The following NCAPG2 variants were observed in gnomAD, a reference collection of about 807,000 sequenced individuals.
NCAPG2 encodes condensin-2 complex subunit G2.
A neutral mutation model predicts 141.1 loss-of-function variants in NCAPG2; 53 were observed. The ratio of observed to expected loss-of-function variants is 0.38; its 90% CI spans 0.30 to 0.47. The LOEUF (loss-of-function observed/expected upper bound fraction) is 0.47. Ranked by LOEUF, NCAPG2 falls within the 20% of genes least tolerant of loss-of-function variation. NCAPG2 has a pLI of 0.99. For synonymous variants in NCAPG2, 499 were observed against 490.7 expected (o/e 1.02, Z -0.22); for missense variants, 1,087 against 1,389.0 (o/e 0.78, Z 3.46).
chr7:158,641,275 A>T, intron 27 of NCAPG2: 1 of 385,324 alleles, frequency 2.6e-6, no homozygotes, highest in Non-Finnish European at 4.6e-6. Context: ...AATATGGTGG[A>T]TATTAATCCA....
At chr7:158,684,279 A>G (rs1432260059) in intron 8 of NCAPG2, among the ~76,000 whole-genome samples, 1 of 152,248 alleles carries the variant, frequency 6.6e-6, no homozygotes, top group South Asian at 2.1e-4. Flanking sequence ...GCTAACTATC[A>G]GTATGCCAAC....
At chr7:158,678,299 C>T (rs1412098125) in intron 11 of NCAPG2, among the ~76,000 whole-genome samples, 1 of 152,134 alleles carries the variant, frequency 6.6e-6, no homozygotes, top group African/African-American at 2.4e-5. Flanking sequence ...GTTAAAGCCT[C>T]AAGAGGTGCA....
chr7:158,635,276 GTTAAAA>G (rs1830110515), intron 27 of NCAPG2, among the ~76,000 whole-genome samples: 1 of 151,990 alleles, frequency 6.6e-6, no homozygotes. Flanking sequence ...AAAAAAGACT[GTTAAAA>G]TTAAAGCAGA....
intron 12 of NCAPG2, among the ~76,000 whole-genome samples, chr7:158,672,286 GTGTGTGTATATATATATATATATA>G (rs1239609510): frequency 2.3e-4 from 6 of 25,866 alleles, no homozygotes; most frequent in African/African-American, 3.1e-4. Context: ...ACATGTGTGT[GTGTGTGTATATATATATATATATA>G]TATATATATA....
chr7:158,655,030 A>C, intron 21 of NCAPG2, 88 bp downstream of exon 21: 2 of 1,446,214 alleles, frequency 1.4e-6, no homozygotes, highest in African/African-American at 2.8e-5. Flanking sequence ...ACTAATGTCT[A>C]AAATTACCAC....
Position 158,645,216 on chromosome 7 carries a change from AATGCCGAGGCACAG to A in NCAPG2, c.3280+289_3280+302del, listed in dbSNP as rs534987317. Among the ~76,000 whole-genome samples the A allele has an allele frequency of 1.6e-3, 248 of 152,358 alleles. 2 individuals are homozygous for A. Among genetic ancestry groups the A allele is most frequent in the South Asian group, 0.014 (68 of 4,828 alleles). On this transcript the variant is annotated intron_variant, in intron 26 of 27. Coordinates refer to ENST00000356309, the MANE Select transcript of NCAPG2 (RefSeq NM_017760.7). ...TAACACATCAAATCAACAGAAATTC[AATGCCGAGGCACAG>A]ACAGGAACACTTAAATGGACCTAGT...
At chr7:158,665,893 G>A (rs111415572) in intron 13 of NCAPG2, among the ~76,000 whole-genome samples, 99 of 152,216 alleles carry the variant, frequency 6.5e-4, no homozygotes, top group African/African-American at 2.3e-3. Context: ...GAAGCGCCCC[G>A]GGGATACTTC....
chr7:158,641,417 T>C (rs968429972), intron 27 of NCAPG2: 4 of 565,346 alleles, frequency 7.1e-6, no homozygotes, highest in South Asian at 2.3e-5. Context: ...AAGACACATA[T>C]AGATAGAAAT....
At chr7:158,688,619 G>A (rs759038685) in intron 6 of NCAPG2, among the ~76,000 whole-genome samples, 2 of 152,178 alleles carry the variant, frequency 1.3e-5, no homozygotes, top group Non-Finnish European at 2.9e-5. Context: ...ATCCACCAGC[G>A]CCTGGGCTGC....
At chr7:158,668,857 T>C (rs945105479) in intron 13 of NCAPG2, among the ~76,000 whole-genome samples, 2 of 152,136 alleles carry the variant, frequency 1.3e-5, no homozygotes, top group Non-Finnish European at 2.9e-5. Context: ...GCACAGATCA[T>C]CCCATTACCT....
At chr7:158,652,902 G>C (rs1831590865) in intron 22 of NCAPG2, among the ~76,000 whole-genome samples, 3 of 152,180 alleles carry the variant, frequency 2.0e-5, no homozygotes, top group Admixed American at 2.0e-4. Flanking sequence ...TAGAATTCTA[G>C]TTATAATTAG....
intron 24 of NCAPG2, among the ~76,000 whole-genome samples, chr7:158,648,527 C>CCAAATGGACGACAACCACGG (rs765460820): frequency 0.043 from 6,068 of 141,954 alleles, 967 homozygotes; most frequent in East Asian, 0.15. Flanking sequence ...TATAACCACG[C>CCAAATGGACGACAACCACGG]CAAATGGACG....
chr7:158,667,460 G>A (rs1451407199), intron 13 of NCAPG2, among the ~76,000 whole-genome samples: 5 of 123,784 alleles, frequency 4.0e-5, no homozygotes, highest in South Asian at 2.6e-4. Flanking sequence ...GGGTCCCTCC[G>A]CCCGCCTTAC....
At chr7:158,703,405 C>G (rs1354030933) in intron 1 of NCAPG2, among the ~76,000 whole-genome samples, 1 of 152,190 alleles carries the variant, frequency 6.6e-6, no homozygotes, top group East Asian at 1.9e-4. Flanking sequence ...TTCTTGTTTG[C>G]TCTATTTCCA....
intron 22 of NCAPG2, among the ~76,000 whole-genome samples, chr7:158,652,792 G>T (rs950572095): frequency 6.6e-6 from 1 of 152,214 alleles, no homozygotes; most frequent in African/African-American, 2.4e-5. Flanking sequence ...CAGCAGTGTG[G>T]TTCCCTCAAC....
At position 158,631,600 on chromosome 7, in the gene NCAPG2, A is replaced by G. The variant is rs1829895051; in HGVS notation, c.*66T>C. On this transcript the variant is annotated 3_prime_UTR_variant, in exon 28 of 28. Transcript: ENST00000356309. The stretch of plus-strand genomic sequence containing the variant: ...TTATTAACATTAAAAACAATAGGAA[A>G]ATACACAGGCATTTCAATTTGAATC... 7.3e-7 allele frequency: 1 copy of G among 1,377,474 alleles called. No homozygotes were observed. The highest frequency in any genetic ancestry group is 1.4e-5 in the African/African-American group (1 of 69,592). The allele number at this position is 1,377,474 out of a possible 1,614,324, so 85.3% of individuals were successfully genotyped here.
intron 2 of NCAPG2, among the ~76,000 whole-genome samples, chr7:158,697,565 C>G (rs1287103947): frequency 6.7e-6 from 1 of 150,288 alleles, no homozygotes; most frequent in South Asian, 2.1e-4. Flanking sequence ...GACGCCACTG[C>G]ACTCCAGCCT....
intron 19 of NCAPG2, 28 bp downstream of exon 19, chr7:158,656,232 C>T (rs1407826230): frequency 6.2e-7 from 1 of 1,607,470 alleles, no homozygotes; most frequent in South Asian, 1.1e-5. Context: ...TCATAGGAAA[C>T]CACTCAACTC....
intron 12 of NCAPG2, among the ~76,000 whole-genome samples, 163 bp from the exon 13 acceptor site, chr7:158,671,829 T>C (rs950959298): frequency 5.3e-5 from 8 of 152,224 alleles, no homozygotes; most frequent in Non-Finnish European, 1.0e-4. Flanking sequence ...AACTATTTCA[T>C]ATAAAAGGCA....
Sources: allele counts gnomAD v4.1 joint callset (sites outside exome capture counted in the v4.1 genomes callset), GRCh38; gene constraint gnomAD v4.1.1; transcripts MANE v1.5; gene names NCBI Gene and HGNC (gene_info 2026-07-23, HGNC 2026-07-21).